TRIM40: variants seen among roughly 807,000 people sequenced by gnomAD.
The protein encoded by TRIM40 is tripartite motif containing 40, also known as E3 ubiquitin ligase TRIM40.
TRIM40 carries 27 observed loss-of-function variants against 26.1 expected under a neutral mutation model. The ratio of observed to expected loss-of-function variants is 1.04; its 90% CI spans 0.76 to 1.43. TRIM40 has a LOEUF of 1.43. TRIM40 is among the 40% of genes most tolerant of loss of function. TRIM40 has a pLI of 0.00. For synonymous variants in TRIM40, 114 were observed against 120.0 expected, an observed-to-expected ratio of 0.95 and a Z score of 0.33; for missense variants, 289 against 307.9, an observed-to-expected ratio of 0.94 and a Z score of 0.46.
chr6:30,144,392 C>T (rs1361342304), intron 2 of TRIM40, among the ~76,000 whole-genome samples: 1 of 152,064 alleles, frequency 6.6e-6, no homozygotes, highest in African/African-American at 2.4e-5. Context: ...GAGCTGCCAA[C>T]AGGGCAGTAG....
Position 30,148,095 on chromosome 6 carries a change from G to A in TRIM40, c.*283G>A, listed in dbSNP as rs746795079. The A allele has an allele frequency of 3.2e-5, 17 of 534,588 alleles. No homozygotes were observed. The highest frequency in any genetic ancestry group is 3.7e-5 in the Non-Finnish European group (11 of 299,234). The allele number at this position is 534,588 out of a possible 1,614,324, so 33.1% of individuals were successfully genotyped here. ...GGAGCATTTGTGAAATCTCCATTTTGCCTGTAAACTGATGGTAGTGCCCAT... is the reference window on the plus strand; with the variant it reads ...GGAGCATTTGTGAAATCTCCATTTTACCTGTAAACTGATGGTAGTGCCCAT... On this transcript the variant is annotated 3_prime_UTR_variant, in exon 6 of 6. Coordinates refer to ENST00000396581, the MANE Select transcript of TRIM40 (RefSeq NM_001286633.2).
At chr6:30,140,615 C>T (rs114812618) in intron 2 of TRIM40, among the ~76,000 whole-genome samples, 7,756 of 152,104 alleles carry the variant, frequency 0.051, 310 homozygotes, top group African/African-American at 0.1. Context: ...AAATACCTAA[C>T]GTGGATGACG....
chr6:30,146,701 G>T (rs147362425), intron 3 of TRIM40, among the ~76,000 whole-genome samples: 7 of 151,860 alleles, frequency 4.6e-5, no homozygotes, highest in East Asian at 2.0e-4. Flanking sequence ...GTGAGCCACC[G>T]TGCCCGGCCG....
intron 2 of TRIM40, among the ~76,000 whole-genome samples, chr6:30,138,736 T>G (rs1771163026): frequency 6.6e-6 from 1 of 152,250 alleles, no homozygotes. Context: ...AGTATTTGAC[T>G]GGACAATTGA....
Position 30,147,023 on chromosome 6 carries a change from G to T in TRIM40, c.480G>T (p.Gly160=). Residue 160 remains glycine, a synonymous_variant, in exon 4 of 6, where the codon GGG becomes GGT. Transcript: ENST00000396581. The stretch of plus-strand genomic sequence containing the variant: ...ACGGGAACCACAGGCTGGAGGCTGG[G>T]CCGGAGAGCCAGCACCAAACCAGGG... The part of the protein sequence containing the change: ...VDHGNHRLEA[G]PESQHQTREQ... 6.2e-7 allele frequency: 1 copy of T among 1,610,302 alleles called. No homozygotes were observed. Among genetic ancestry groups the T allele is most frequent in the Admixed American group, 1.7e-5 (1 of 59,506 alleles).
rs1771038369 is a variant in TRIM40 at position 30,136,981 on chromosome 6, G to A, written c.-56G>A. 3 of 1,554,546 alleles carry A rather than the reference G, an allele frequency of 1.9e-6. No homozygotes were observed. Among genetic ancestry groups the A allele is most frequent in the Non-Finnish European group, 2.6e-6 (3 of 1,143,330 alleles). ...TGTTGAGGGCAACAGGCCTTCCGAA[G>A]ACCAGTGAAGAAGGAGGCCCTGCAA... On this transcript the variant is annotated 5_prime_UTR_variant, in exon 2 of 6. Transcript: ENST00000396581.
chr6:30,139,215 T>C (rs1287947861), intron 2 of TRIM40, among the ~76,000 whole-genome samples: 1 of 152,192 alleles, frequency 6.6e-6, no homozygotes, highest in Admixed American at 6.5e-5. Flanking sequence ...AAGTTCCTGC[T>C]GTGTGTGAGA....
chr6:30,145,026 A>AAAGTCTTCTT (rs1771565977), intron 2 of TRIM40, among the ~76,000 whole-genome samples: 1 of 152,062 alleles, frequency 6.6e-6, no homozygotes, highest in South Asian at 2.1e-4. Flanking sequence ...TGGTGACATC[A>AAAGTCTTCTT]CTGTCTTCTC....
Position 30,137,444 on chromosome 6 carries a change from G to T in TRIM40, c.345+63G>T, listed in dbSNP as rs765253715. ...CTCGCTGAGGTGCTGCATCCTACAT[G>T]TTCATCATGCCTGGCACCTCAGAGT... On this transcript the variant is annotated intron_variant, in intron 2 of 5. Transcript: ENST00000396581. 1,510 of 1,416,470 alleles carry T rather than the reference G, an allele frequency of 1.1e-3. 3 individuals are homozygous for T. The highest frequency in any genetic ancestry group is 8.9e-4 in the Non-Finnish European group (904 of 1,021,386). The allele number at this position is 1,416,470 out of a possible 1,614,324, so 87.7% of individuals were successfully genotyped here. A position where few individuals can be genotyped will look rare whatever the true frequency, so the allele number is the denominator to read the frequency against.
At chr6:30,137,487 C>T in intron 2 of TRIM40, 106 bp downstream of exon 2, 1 of 960,268 alleles carries the variant, frequency 1.0e-6, no homozygotes, top group Non-Finnish European at 1.6e-6. Flanking sequence ...CAATGGACAT[C>T]TCTCTTTGTT....
intron 2 of TRIM40, 146 bp downstream of exon 2, chr6:30,137,527 G>A: frequency 1.4e-6 from 1 of 713,644 alleles, no homozygotes; most frequent in South Asian, 1.8e-5. Flanking sequence ...TTGGACCCTT[G>A]TCTTGCTTTT....
intron 2 of TRIM40, among the ~76,000 whole-genome samples, chr6:30,142,055 T>C (rs1320022471): frequency 2.0e-5 from 3 of 152,150 alleles, no homozygotes; most frequent in Non-Finnish European, 4.4e-5. Flanking sequence ...TGGTGGACCT[T>C]ATGTGTACTC....
At chr6:30,146,512 C>T (rs28780088) in intron 3 of TRIM40, among the ~76,000 whole-genome samples, 7,306 of 152,078 alleles carry the variant, frequency 0.048, 262 homozygotes, top group South Asian at 0.12. Context: ...CCCGGGTTCA[C>T]GCCATTCTCC....
At chr6:30,146,202 G>T in intron 3 of TRIM40, 113 bp downstream of exon 3, 1 of 908,984 alleles carries the variant, frequency 1.1e-6, no homozygotes, top group East Asian at 2.7e-5. Context: ...GCAGATGGTC[G>T]TGGAGGCTGA....
rs147603817 is a variant in TRIM40 at position 30,144,805 on chromosome 6, C to T, written c.346-1189C>T. ...AGGGCAGCAAGTGAGTAGATGCAAGCGGTGAAGGCTGTTTGTGCTTTTCAG... is the reference window on the plus strand; with the variant it reads ...AGGGCAGCAAGTGAGTAGATGCAAGTGGTGAAGGCTGTTTGTGCTTTTCAG... On this transcript the variant is annotated intron_variant, in intron 2 of 5. Coordinates refer to ENST00000396581, the MANE Select transcript of TRIM40 (RefSeq NM_001286633.2). Among the ~76,000 whole-genome samples the T allele has an allele frequency of 2.0e-3, 310 of 152,304 alleles. 5 individuals carry two copies. The highest frequency in any genetic ancestry group is 0.015 in the Admixed American group (227 of 15,302).
chr6:30,142,323 A>G (rs1324036874), intron 2 of TRIM40, among the ~76,000 whole-genome samples: 2 of 152,178 alleles, frequency 1.3e-5, no homozygotes, highest in Non-Finnish European at 2.9e-5. Context: ...TTGCTGGTTT[A>G]GTAAGTGTGT....
In TRIM40 at chr6:30,137,315, C is replaced by T. The variant is rs1270452484; in HGVS notation, c.279C>T (p.Cys93=). The part of the protein sequence containing the change: ...EESRLLLCVE[C]LVSPEHMSHH... ...GCAGACTTCTTCTATGTGTGGAATG[C>T]CTGGTGTCCCCTGAACACATGTCTC... is the stretch of plus-strand genomic sequence containing the variant. Residue 93 remains cysteine (C), a synonymous_variant, in exon 2 of 6, where the codon TGC becomes TGT. Coordinates refer to ENST00000396581, the MANE Select transcript of TRIM40 (RefSeq NM_001286633.2). 1.2e-6 allele frequency: 2 copies of T among 1,612,760 alleles called. No individual in the cohort carries two copies. Among genetic ancestry groups the T allele is most frequent in the Admixed American group, 1.7e-5 (1 of 59,998 alleles).
chr6:30,137,409 C>T (rs775923190), intron 2 of TRIM40, 28 bp downstream of exon 2: 2 of 1,590,066 alleles, frequency 1.3e-6, no homozygotes. Flanking sequence ...CAGCCAGGCC[C>T]TGCCTCCACC....
intron 2 of TRIM40, 80 bp from the exon 3 acceptor site, chr6:30,145,914 C>T: frequency 9.5e-7 from 1 of 1,050,466 alleles, no homozygotes; most frequent in Non-Finnish European, 1.5e-6. Context: ...GATCAGGCCC[C>T]CTACCGTGTT....
Sources: gnomAD v4.1 joint callset for allele counts (sites outside exome capture counted in the v4.1 genomes callset) on GRCh38, gnomAD v4.1.1 for gene constraint, MANE v1.5 for transcripts, NCBI Gene and HGNC (gene_info 2026-07-23, HGNC 2026-07-21) for gene names.